The following SIPA1L2 variants were observed in gnomAD, a reference collection of about 807,000 sequenced individuals.
SIPA1L2 encodes signal induced proliferation associated 1 like 2.
In SIPA1L2, 56 loss-of-function variants were observed where a neutral mutation model predicts 163.9. That is an observed-to-expected ratio of 0.34 (90% CI 0.28 to 0.43). The LOEUF is 0.43. Ranked by LOEUF, SIPA1L2 falls within the 20% of genes least tolerant of loss-of-function variation. The pLI is 1.00. For synonymous variants in SIPA1L2, 877 were observed against 865.7 expected, an observed-to-expected ratio of 1.01 and a Z score of -0.23; for missense variants, 1,974 against 2,193.5, an observed-to-expected ratio of 0.90 and a Z score of 2.00.
chr1:232,625,388 C>G (rs1227906439), intron 1 of SIPA1L2, among the ~76,000 whole-genome samples: 1 of 152,136 alleles, frequency 6.6e-6, no homozygotes, highest in African/African-American at 2.4e-5. Flanking sequence ...ATAATATAAT[C>G]AAATTCTAAA....
intron 3 of SIPA1L2, among the ~76,000 whole-genome samples, chr1:232,509,008 C>A (rs1043306827): frequency 6.6e-6 from 1 of 152,212 alleles, no homozygotes; most frequent in Admixed American, 6.5e-5. Flanking sequence ...AGGAGAATTG[C>A]TTGAACCCGG....
chr1:232,493,187 G>A (rs548752952), intron 4 of SIPA1L2, among the ~76,000 whole-genome samples: 9 of 152,126 alleles, frequency 5.9e-5, no homozygotes, highest in South Asian at 2.1e-4. Flanking sequence ...TTCACCTTCC[G>A]TCATGATTGT....
At chr1:232,475,732 TAAC>T (rs1329597572) in intron 7 of SIPA1L2, among the ~76,000 whole-genome samples, 7 of 152,128 alleles carry the variant, frequency 4.6e-5, no homozygotes, top group Non-Finnish European at 1.0e-4. Context: ...ATTTTACCAA[TAAC>T]AAGAGCAAAT....
chr1:232,622,520 A>T (rs1367447617), intron 1 of SIPA1L2, among the ~76,000 whole-genome samples: 1 of 152,254 alleles, frequency 6.6e-6, no homozygotes, highest in Non-Finnish European at 1.5e-5. Flanking sequence ...AGTCAACTGC[A>T]GCCTCATGGG....
rs191068171 is a variant in SIPA1L2 at position 232,578,785 on chromosome 1, G to T, written c.-318-4563C>A. On this transcript the variant is annotated intron_variant, in intron 1 of 22. Coordinates refer to ENST00000674635, the MANE Select transcript of SIPA1L2 (RefSeq NM_020808.5). ...TTAATGTTCCACTCTTTTAACTGACGGCTTTTGTTTACTGACAGGAAAGGA... is the reference window on the plus strand; with the variant it reads ...TTAATGTTCCACTCTTTTAACTGACTGCTTTTGTTTACTGACAGGAAAGGA... 1.8e-4 allele frequency among the ~76,000 whole-genome samples: 28 copies of T among 152,180 alleles called. 1 individual carries two copies. The East Asian group carries it at 3.5e-3, about 19-fold the overall frequency.
chr1:232,562,914 C>A (rs1049822459), intron 2 of SIPA1L2, among the ~76,000 whole-genome samples: 1 of 152,180 alleles, frequency 6.6e-6, no homozygotes, highest in Admixed American at 6.5e-5. Context: ...CAAACACCTG[C>A]AAGCTGTGTC....
At chr1:232,576,634 A>G (rs1031611503) in intron 1 of SIPA1L2, among the ~76,000 whole-genome samples, 1 of 152,252 alleles carries the variant, frequency 6.6e-6, no homozygotes, top group African/African-American at 2.4e-5. Context: ...ATTAAGCTCA[A>G]TGGGGAAGAC....
chr1:232,443,514 G>T, intron 12 of SIPA1L2, 88 bp downstream of exon 12: 2 of 1,016,214 alleles, frequency 2.0e-6, no homozygotes, highest in Non-Finnish European at 1.4e-6. Flanking sequence ...ATGGCCCCAG[G>T]TACAGAAGGC....
At chr1:232,615,219 T>G (rs1662440160) in intron 1 of SIPA1L2, among the ~76,000 whole-genome samples, 1 of 152,204 alleles carries the variant, frequency 6.6e-6, no homozygotes, top group African/African-American at 2.4e-5. Flanking sequence ...CCACAGCACT[T>G]GCTGCCCTTG....
intron 22 of SIPA1L2, among the ~76,000 whole-genome samples, chr1:232,400,944 C>T (rs2102733703): frequency 6.6e-6 from 1 of 152,296 alleles, no homozygotes; most frequent in Non-Finnish European, 1.5e-5. Context: ...TCCACTCCTC[C>T]AGTAATGATA....
At chr1:232,605,455 G>A (rs770282713) in intron 1 of SIPA1L2, among the ~76,000 whole-genome samples, 6 of 152,306 alleles carry the variant, frequency 3.9e-5, no homozygotes, top group Non-Finnish European at 7.3e-5. Context: ...AGAACTTTGG[G>A]AGGCCGAAAC....
At chr1:232,588,114 T>A (rs1216790380) in intron 1 of SIPA1L2, among the ~76,000 whole-genome samples, 1 of 152,172 alleles carries the variant, frequency 6.6e-6, no homozygotes, top group Non-Finnish European at 1.5e-5. Flanking sequence ...ACACACACAC[T>A]ATGACTCTGT....
In SIPA1L2 at chr1:232,471,410, A is replaced by G; in HGVS notation, c.2204T>C (p.Val735Ala). The change falls in exon 8 of 23, where the codon GTC becomes GCC. Residue 735 changes from valine to alanine, a missense_variant. By Grantham distance (64) the Val-to-Ala change is moderately conservative (BLOSUM62 0). Coordinates refer to ENST00000674635, the MANE Select transcript of SIPA1L2 (RefSeq NM_020808.5). The stretch of plus-strand genomic sequence containing the variant: ...TTCGGTACATGGATTATGCACTTTG[A>G]CTATGACAAAGACATGCTGAAAGTG... ...RSHFQHVFVI[V>A]KVHNPCTENV... 1 of 1,614,116 alleles carries G rather than the reference A, an allele frequency of 6.2e-7. No homozygotes were observed. Among genetic ancestry groups the G allele is most frequent in the Non-Finnish European group, 8.5e-7 (1 of 1,179,972 alleles).
intron 16 of SIPA1L2, among the ~76,000 whole-genome samples, chr1:232,428,808 G>C (rs1359433828): frequency 3.3e-5 from 5 of 152,078 alleles, no homozygotes; most frequent in Non-Finnish European, 7.4e-5. Flanking sequence ...CCAAAGCCCA[G>C]GATGAAAAAA....
chr1:232,573,200 C>T (rs551673848), intron 2 of SIPA1L2, among the ~76,000 whole-genome samples: 9 of 152,132 alleles, frequency 5.9e-5, no homozygotes, highest in South Asian at 2.1e-4. Flanking sequence ...CTAAATGCAG[C>T]GCCTGACCCT....
intron 1 of SIPA1L2, among the ~76,000 whole-genome samples, chr1:232,612,613 T>C (rs1283356555): frequency 6.6e-6 from 1 of 152,228 alleles, no homozygotes; most frequent in Admixed American, 6.5e-5. Context: ...CCCTTTGTTT[T>C]GGTCAGTTTC....
chr1:232,400,726 C>T (rs2102733099), intron 22 of SIPA1L2, among the ~76,000 whole-genome samples: 1 of 152,256 alleles, frequency 6.6e-6, no homozygotes, highest in African/African-American at 2.4e-5. Context: ...GATTTCGAAT[C>T]CACTGAGATA....
intron 7 of SIPA1L2, among the ~76,000 whole-genome samples, 176 bp downstream of exon 7, chr1:232,479,451 A>G (rs951524365): frequency 6.6e-6 from 1 of 152,238 alleles, no homozygotes; most frequent in Non-Finnish European, 1.5e-5. Flanking sequence ...AAAGTGCAAC[A>G]ATACGCCCTT....
chr1:232,481,591 A>T lies in SIPA1L2; in HGVS notation c.1982-1861T>A, dbSNP rs567222163. 7.2e-5 allele frequency among the ~76,000 whole-genome samples: 11 copies of T among 152,348 alleles called. No individual in the cohort carries two copies. In the South Asian group the frequency reaches 2.3e-3, roughly 32 times the overall value. ...ATGTCAAACATCAGCAAGGTAATGGAGAATGTAGACTAACAAGGCTTGTTG... is the reference window on the plus strand; with the variant it reads ...ATGTCAAACATCAGCAAGGTAATGGTGAATGTAGACTAACAAGGCTTGTTG... On this transcript the variant is annotated intron_variant, in intron 6 of 22. Transcript: ENST00000674635.
Sources: allele counts gnomAD v4.1 joint callset (sites outside exome capture counted in the v4.1 genomes callset), GRCh38; gene constraint gnomAD v4.1.1; transcripts MANE v1.5; gene names NCBI Gene and HGNC (gene_info 2026-07-23, HGNC 2026-07-21).